MAML3: variants seen among roughly 807,000 people sequenced by gnomAD.
MAML3 encodes mastermind like transcriptional coactivator 3, also known as mastermind-like protein 3.
Under a neutral mutation model 101.9 loss-of-function variants are expected in MAML3, and 27 were observed. The ratio of observed to expected loss-of-function variants is 0.27; its 90% CI spans 0.20 to 0.37. MAML3 has a LOEUF of 0.37. Ranked by LOEUF, MAML3 falls within the 10% of genes least tolerant of loss-of-function variation. The pLI, the probability that MAML3 is intolerant of heterozygous loss-of-function variation, is 1.00. For missense variants in MAML3, 1,316 were observed against 1,444.9 expected, an observed-to-expected ratio of 0.91 and a Z score of 1.45; for synonymous variants, 501 against 555.9, an observed-to-expected ratio of 0.90 and a Z score of 1.39.
At chr4:139,841,132 T>C (rs1285848420) in intron 2 of MAML3, among the ~76,000 whole-genome samples, 1 of 152,210 alleles carries the variant, frequency 6.6e-6, no homozygotes, top group African/African-American at 2.4e-5. Context: ...GCAATACTCA[T>C]ACATAGGGAG....
At chr4:140,101,427 G>A (rs1728250678) in intron 1 of MAML3, among the ~76,000 whole-genome samples, 1 of 152,182 alleles carries the variant, frequency 6.6e-6, no homozygotes, top group Non-Finnish European at 1.5e-5. Context: ...ATGCACTTGT[G>A]TAATGTATAA....
At chr4:139,864,674 C>CAAAAAAAAAA (rs70943450) in intron 2 of MAML3, among the ~76,000 whole-genome samples, 16 of 69,498 alleles carry the variant, frequency 2.3e-4, no homozygotes, top group African/African-American at 7.5e-4. Flanking sequence ...GGCTCCGTCT[C>CAAAAAAAAAA]AAAAAAAAAA....
At chr4:139,912,091 G>A (rs1732936313) in intron 1 of MAML3, among the ~76,000 whole-genome samples, 1 of 152,124 alleles carries the variant, frequency 6.6e-6, no homozygotes, top group African/African-American at 2.4e-5. Context: ...TGGATCTTAT[G>A]GTAATTCTGT....
At chr4:139,814,021 CACAA>C (rs949115604) in intron 2 of MAML3, among the ~76,000 whole-genome samples, 6 of 109,640 alleles carry the variant, frequency 5.5e-5, no homozygotes, top group African/African-American at 2.0e-4. Context: ...AGTACACAAA[CACAA>C]ACACACACAC....
At chr4:139,773,554 A>G (rs1730036801) in intron 2 of MAML3, among the ~76,000 whole-genome samples, 1 of 152,210 alleles carries the variant, frequency 6.6e-6, no homozygotes, top group Non-Finnish European at 1.5e-5. Flanking sequence ...AAATAATTCC[A>G]ACCCTAGGTA....
intron 2 of MAML3, among the ~76,000 whole-genome samples, chr4:139,885,952 A>AAAAAAAAAAAAAAAAAAAAAAC (rs1732328271): frequency 6.9e-6 from 1 of 145,198 alleles, no homozygotes; most frequent in Non-Finnish European, 1.5e-5. Flanking sequence ...AAAAAAAAAA[A>AAAAAAAAAAAAAAAAAAAAAAC]AAAAAGAAAG....
At chr4:139,776,252 G>A (rs1432490442) in intron 2 of MAML3, among the ~76,000 whole-genome samples, 3 of 152,128 alleles carry the variant, frequency 2.0e-5, no homozygotes, top group Admixed American at 6.5e-5. Context: ...TTGTTGCAGA[G>A]GTGTTGTGAT....
intron 1 of MAML3, among the ~76,000 whole-genome samples, chr4:140,129,732 C>T (rs960213063): frequency 9.2e-5 from 14 of 151,980 alleles, no homozygotes; most frequent in African/African-American, 3.1e-4. Context: ...TTTGGGAGGC[C>T]GAGGCGGGCG....
chr4:140,083,462 T>C (rs1417757273), intron 1 of MAML3, among the ~76,000 whole-genome samples: 1 of 152,210 alleles, frequency 6.6e-6, no homozygotes, highest in Non-Finnish European at 1.5e-5. Flanking sequence ...GCATCTAATA[T>C]GGAATCTTAA....
At chr4:140,077,742 G>A (rs534348877) in intron 1 of MAML3, among the ~76,000 whole-genome samples, 4 of 152,182 alleles carry the variant, frequency 2.6e-5, no homozygotes, top group South Asian at 4.1e-4. Flanking sequence ...GAGAGGGGCC[G>A]GGTATGGTGG....
At chr4:139,916,996 T>A (rs1733041196) in intron 1 of MAML3, among the ~76,000 whole-genome samples, 2 of 152,234 alleles carry the variant, frequency 1.3e-5, no homozygotes, top group African/African-American at 4.8e-5. Flanking sequence ...TAATGCTGAA[T>A]TTTTAAACTG....
chr4:139,971,571 T>C (rs527368485), intron 1 of MAML3, among the ~76,000 whole-genome samples: 8 of 152,246 alleles, frequency 5.3e-5, no homozygotes, highest in Non-Finnish European at 8.8e-5. Context: ...CAACCCCTAA[T>C]GACTTATTTC....
intron 1 of MAML3, among the ~76,000 whole-genome samples, chr4:139,952,967 G>GA (rs1301385209): frequency 2.0e-5 from 3 of 152,156 alleles, no homozygotes; most frequent in African/African-American, 7.2e-5. Context: ...GGATGACAGA[G>GA]AAAAAAACTC....
chr4:139,789,592 G>A (rs1730366749), intron 2 of MAML3, among the ~76,000 whole-genome samples: 1 of 152,144 alleles, frequency 6.6e-6, no homozygotes, highest in African/African-American at 2.4e-5. Context: ...GACACTGCAG[G>A]GTTTTGAATG....
At chr4:140,056,198 C>T (rs1448881249) in intron 1 of MAML3, among the ~76,000 whole-genome samples, 1 of 152,136 alleles carries the variant, frequency 6.6e-6, no homozygotes, top group Admixed American at 6.5e-5. Context: ...GGGGGAATTC[C>T]CTTTACCAAA....
intron 1 of MAML3, among the ~76,000 whole-genome samples, chr4:139,997,399 G>T (rs949422465): frequency 9.2e-5 from 14 of 151,806 alleles, no homozygotes; most frequent in African/African-American, 2.9e-4. Context: ...AGATTAACAC[G>T]AACTTAATTT....
chr4:140,051,370 C>A (rs1727264461), intron 1 of MAML3, among the ~76,000 whole-genome samples: 2 of 151,984 alleles, frequency 1.3e-5, no homozygotes, highest in Admixed American at 1.3e-4. Flanking sequence ...GCCTGGCCAA[C>A]ATGGTGAAAC....
chr4:139,810,523 G>A (rs1246038251), intron 2 of MAML3, among the ~76,000 whole-genome samples: 2 of 151,946 alleles, frequency 1.3e-5, no homozygotes, highest in African/African-American at 4.8e-5. Context: ...TATCTGTACA[G>A]GTCTTCACAG....
intron 1 of MAML3, among the ~76,000 whole-genome samples, chr4:140,100,394 C>T (rs1284879917): frequency 6.6e-6 from 1 of 152,200 alleles, no homozygotes; most frequent in East Asian, 1.9e-4. Context: ...TTCATTTTTA[C>T]AAACAGTCCT....
Sources: allele counts gnomAD v4.1 joint callset (sites outside exome capture counted in the v4.1 genomes callset), GRCh38; gene constraint gnomAD v4.1.1; transcripts MANE v1.5; gene names NCBI Gene and HGNC (gene_info 2026-07-23, HGNC 2026-07-21).